GALNT13: variants seen among roughly 807,000 people sequenced by gnomAD.
GALNT13 encodes the protein polypeptide N-acetylgalactosaminyltransferase 13, also known as UDP-GalNAc:polypeptide N-acetylgalactosaminyltransferase 13.
Under a neutral mutation model 64.2 loss-of-function variants are expected in GALNT13, and 28 were observed. The observed-to-expected ratio is 0.44, with a 90% CI of 0.32 to 0.60. The LOEUF (loss-of-function observed/expected upper bound fraction) is 0.60. Among genes scored for constraint, GALNT13 ranks in the 20% least tolerant of loss-of-function variants. The pLI is 0.05. For missense variants in GALNT13, 577 were observed against 669.8 expected (o/e 0.86, Z 1.53); for synonymous variants, 214 against 224.6 (o/e 0.95, Z 0.42).
the GALNT13 span, among the ~76,000 whole-genome samples, chr2:153,069,712 T>C: frequency 6.6e-6 from 1 of 152,188 alleles, no homozygotes; most frequent in Non-Finnish European, 1.5e-5. Context: ...GGTGATGTCC[T>C]ACAAATAGCA....
the GALNT13 span, among the ~76,000 whole-genome samples, chr2:153,248,590 G>C: frequency 6.6e-6 from 1 of 151,908 alleles, no homozygotes. Flanking sequence ...GAGGAGGGCA[G>C]ATCACGAGGT....
chr2:154,161,010 C>A (rs1573779096), intron 4 of GALNT13, among the ~76,000 whole-genome samples: 1 of 152,158 alleles, frequency 6.6e-6, no homozygotes, highest in African/African-American at 2.4e-5. Flanking sequence ...TTTTTCTTAT[C>A]TCTATGCTTA....
chr2:154,426,053 G>T (rs1209307326), intron 11 of GALNT13, among the ~76,000 whole-genome samples: 1 of 152,138 alleles, frequency 6.6e-6, no homozygotes, highest in African/African-American at 2.4e-5. Context: ...GCACAATGTG[G>T]CTGGGTTCTC....
chr2:153,856,706 T>C, the GALNT13 span, among the ~76,000 whole-genome samples: 3 of 152,176 alleles, frequency 2.0e-5, no homozygotes, highest in African/African-American at 4.8e-5. Context: ...ATTTGAACAA[T>C]TGTTGACAGT....
At chr2:154,249,898 T>A (rs1028996636) in intron 7 of GALNT13, among the ~76,000 whole-genome samples, 4 of 152,102 alleles carry the variant, frequency 2.6e-5, no homozygotes, top group Admixed American at 2.6e-4. Context: ...TTTATGAAGA[T>A]CAAATAAATC....
chr2:154,398,589 T>A (rs1699159273), intron 10 of GALNT13, among the ~76,000 whole-genome samples: 1 of 152,224 alleles, frequency 6.6e-6, no homozygotes, highest in African/African-American at 2.4e-5. Context: ...AATTGAGCCT[T>A]TCATAGCATC....
the GALNT13 span, among the ~76,000 whole-genome samples, chr2:153,132,902 T>C: frequency 6.6e-6 from 1 of 152,110 alleles, no homozygotes; most frequent in South Asian, 2.1e-4. Flanking sequence ...TTGGTATTTT[T>C]TGTAGAGACA....
chr2:153,352,714 T>C, the GALNT13 span, among the ~76,000 whole-genome samples: 1 of 152,126 alleles, frequency 6.6e-6, no homozygotes, highest in African/African-American at 2.4e-5. Flanking sequence ...GAAAATGCTA[T>C]ATTCTCTTCA....
At chr2:153,567,106 C>T in the GALNT13 span, among the ~76,000 whole-genome samples, 1 of 152,050 alleles carries the variant, frequency 6.6e-6, no homozygotes, top group Non-Finnish European at 1.5e-5. Flanking sequence ...ATCTTAATGC[C>T]CAAGAAGGGC....
At chr2:153,831,072 AACTT>A in the GALNT13 span, among the ~76,000 whole-genome samples, 164 of 152,330 alleles carry the variant, frequency 1.1e-3, no homozygotes, top group Non-Finnish European at 1.5e-3. Context: ...CTGTTTCAAT[AACTT>A]ACTTAATTAA....
chr2:153,936,928 A>G (rs1308629573), intron 2 of GALNT13, among the ~76,000 whole-genome samples: 1 of 152,062 alleles, frequency 6.6e-6, no homozygotes, highest in African/African-American at 2.4e-5. Flanking sequence ...TGTGTTAGCC[A>G]GGATGGTCTC....
the GALNT13 span, among the ~76,000 whole-genome samples, chr2:153,718,102 CACTT>C: frequency 2.4e-3 from 367 of 152,056 alleles, 2 homozygotes; most frequent in African/African-American, 7.5e-3. Flanking sequence ...TTGGTGTTCT[CACTT>C]AATTAAAAAG....
At chr2:153,791,973 T>C in the GALNT13 span, among the ~76,000 whole-genome samples, 1 of 152,158 alleles carries the variant, frequency 6.6e-6, no homozygotes, top group Admixed American at 6.6e-5. Flanking sequence ...TTAAGCTTAG[T>C]ACCTGGGTGA....
the GALNT13 span, among the ~76,000 whole-genome samples, chr2:153,433,900 A>G: frequency 6.6e-6 from 1 of 151,952 alleles, no homozygotes; most frequent in African/African-American, 2.4e-5. Context: ...ACATATGTAT[A>G]CATGTGCCAT....
intron 8 of GALNT13, among the ~76,000 whole-genome samples, chr2:154,283,832 G>C (rs972302307): frequency 2.0e-5 from 3 of 152,082 alleles, no homozygotes; most frequent in Admixed American, 6.5e-5. Flanking sequence ...ATAGAGGTAG[G>C]TAGATAGTAA....
chr2:154,390,956 T>C (rs544179104), intron 9 of GALNT13, among the ~76,000 whole-genome samples: 8 of 152,230 alleles, frequency 5.3e-5, no homozygotes, highest in Non-Finnish European at 1.2e-4. Context: ...TTCACAGATA[T>C]ATCCCAAGTG....
the GALNT13 span, among the ~76,000 whole-genome samples, chr2:153,813,612 T>A: frequency 2.0e-5 from 3 of 152,192 alleles, no homozygotes; most frequent in Non-Finnish European, 4.4e-5. Flanking sequence ...CCATCCGGTC[T>A]GACCTTACCT....
chr2:153,114,402 A>G, the GALNT13 span, among the ~76,000 whole-genome samples: 1 of 152,134 alleles, frequency 6.6e-6, no homozygotes, highest in Admixed American at 6.5e-5. Flanking sequence ...ACGTCAGTCA[A>G]TTCTATTTGT....
chr2:153,878,402 G>A (rs1428565785), intron 1 of GALNT13, among the ~76,000 whole-genome samples: 1 of 152,076 alleles, frequency 6.6e-6, no homozygotes, highest in Non-Finnish European at 1.5e-5. Context: ...CACCCACACA[G>A]CTCTGGCCGG....
Sources: allele counts gnomAD v4.1 joint callset (sites outside exome capture counted in the v4.1 genomes callset), GRCh38; gene constraint gnomAD v4.1.1; transcripts MANE v1.5; gene names NCBI Gene and HGNC (gene_info 2026-07-23, HGNC 2026-07-21).